Variants in SLC26A7 observed in about 807,000 individuals in gnomAD.
SLC26A7 encodes solute carrier family 26 member 7.
A neutral mutation model predicts 82.5 loss-of-function variants in SLC26A7; 59 were observed. That is an observed-to-expected ratio of 0.72 (90% confidence interval 0.58 to 0.89). SLC26A7 has a LOEUF of 0.89. Ranked by LOEUF, SLC26A7 falls within the 40% of genes least tolerant of loss-of-function variation. The probability of loss-of-function intolerance (pLI) is 0.00; values close to 1 mark genes in which losing one functional copy is unlikely to be tolerated. For missense variants in SLC26A7, 820 were observed against 793.0 expected (o/e 1.03, Z -0.41); for synonymous variants, 271 against 274.3 (o/e 0.99, Z 0.12).
chr8:91,253,834 A>G (rs1242972698), intron 2 of SLC26A7, among the ~76,000 whole-genome samples: 1 of 152,066 alleles, frequency 6.6e-6, no homozygotes, highest in Non-Finnish European at 1.5e-5. Context: ...GTCTTAATCT[A>G]TATATTCTTA....
At chr8:91,227,127 A>G (rs545123382) in intron 2 of SLC26A7, among the ~76,000 whole-genome samples, 1 of 152,334 alleles carries the variant, frequency 6.6e-6, no homozygotes, top group South Asian at 2.1e-4. Flanking sequence ...TATCTTGTCA[A>G]TCTGTAATCC....
At chr8:91,252,721 A>G (rs1046824941) in intron 2 of SLC26A7, among the ~76,000 whole-genome samples, 5 of 152,266 alleles carry the variant, frequency 3.3e-5, no homozygotes, top group African/African-American at 1.2e-4. Context: ...TTATCATTAA[A>G]ATGTGATGTA....
chr8:91,318,155 C>A, intron 4 of SLC26A7, 61 bp from the exon 5 acceptor site: 2 of 1,411,708 alleles, frequency 1.4e-6, no homozygotes, highest in South Asian at 1.3e-5. Context: ...AATATTAAGC[C>A]CTCTGGGAAC....
intron 5 of SLC26A7, among the ~76,000 whole-genome samples, chr8:91,322,942 A>G (rs1043819241): frequency 4.6e-5 from 7 of 152,198 alleles, no homozygotes; most frequent in Non-Finnish European, 1.5e-5. Context: ...GGAACCAAGA[A>G]TGTTAATAAA....
intron 4 of SLC26A7, among the ~76,000 whole-genome samples, chr8:91,317,685 T>C (rs1045092136): frequency 6.6e-6 from 1 of 152,170 alleles, no homozygotes; most frequent in Non-Finnish European, 1.5e-5. Context: ...TGAGGTTTTA[T>C]GCCTACTGGG....
At chr8:91,349,807 T>C (rs1247558736) in intron 9 of SLC26A7, among the ~76,000 whole-genome samples, 1 of 152,176 alleles carries the variant, frequency 6.6e-6, no homozygotes, top group Admixed American at 6.6e-5. Context: ...TTGTCTTTTG[T>C]CTTAAAATAA....
intron 2 of SLC26A7, among the ~76,000 whole-genome samples, chr8:91,272,016 C>T (rs981511334): frequency 6.6e-6 from 1 of 152,090 alleles, no homozygotes; most frequent in African/African-American, 2.4e-5. Context: ...CTACAAGAAG[C>T]TTTTGTGCTT....
rs1470973242 is a variant in SLC26A7 at position 91,351,858 on chromosome 8, A to G, written c.1189A>G (p.Ile397Val). The part of the protein sequence containing the change: ...CIFVLIVIYA[I>V]GPLLYWLPMC... ...TTTCGTCCTTATAGTCATCTATGCA[A>G]TAGGACCTTTGCTTTACTGGCTGCC... The change falls in exon 10 of 19, where the codon ATA becomes GTA. Residue 397 changes from isoleucine (I) to valine (V), a missense_variant. By Grantham distance (29) the Ile-to-Val change is conservative. Transcript: ENST00000276609. The G allele has an allele frequency of 6.2e-7, 1 of 1,612,588 alleles. No homozygotes were observed.
intron 13 of SLC26A7, among the ~76,000 whole-genome samples, chr8:91,365,175 ATTAAC>A (rs1814158157): frequency 6.6e-6 from 1 of 150,426 alleles, no homozygotes; most frequent in Non-Finnish European, 1.5e-5. Flanking sequence ...TTTTTTTCAT[ATTAAC>A]TTAAAACAAC....
At chr8:91,271,619 G>T (rs1811272022) in intron 2 of SLC26A7, among the ~76,000 whole-genome samples, 1 of 144,384 alleles carries the variant, frequency 6.9e-6, no homozygotes, top group Non-Finnish European at 1.5e-5. Context: ...TTTTGAGACG[G>T]AGTCTCGCTC....
intron 2 of SLC26A7, among the ~76,000 whole-genome samples, chr8:91,228,690 A>G (rs896538590): frequency 2.6e-5 from 4 of 152,186 alleles, no homozygotes; most frequent in Non-Finnish European, 5.9e-5. Context: ...TCACTCCCCT[A>G]GTAAAATTAG....
intron 4 of SLC26A7, among the ~76,000 whole-genome samples, chr8:91,308,032 CCAGGA>C (rs1812371126): frequency 1.3e-5 from 2 of 151,760 alleles, no homozygotes; most frequent in Admixed American, 6.6e-5. Flanking sequence ...TTTTTGTGTT[CCAGGA>C]TCCCATCCAG....
chr8:91,369,821 G>T lies in SLC26A7; in HGVS notation c.1663G>T (p.Gly555Cys), dbSNP rs1456468110. The change falls in exon 15 of 19, where the codon GGC becomes TGC. Residue 555 changes from glycine (G) to cysteine (C), a missense_variant. Gly to Cys is a radical substitution (Grantham distance 159). Coordinates refer to ENST00000276609, the MANE Select transcript of SLC26A7 (RefSeq NM_052832.4). ...CACATTGCTTAATTCCCTATCCAAT[G>T]GCAACTGCAATGGTGAGTTAGCTTT... The part of the protein sequence containing the change: ...QNTLLNSLSN[G>C]NCNEEASQSC... The T allele has an allele frequency of 2.0e-5, 32 of 1,601,934 alleles. No homozygotes were observed. The highest frequency in any genetic ancestry group is 2.7e-5 in the Non-Finnish European group (32 of 1,174,302).
intron 2 of SLC26A7, among the ~76,000 whole-genome samples, chr8:91,279,155 A>G (rs1376901603): frequency 0.039 from 5,408 of 139,188 alleles, 448 homozygotes; most frequent in African/African-American, 0.14. Flanking sequence ...ATATATATAT[A>G]TATATATATA....
intron 4 of SLC26A7, among the ~76,000 whole-genome samples, chr8:91,304,343 A>T (rs1812245420): frequency 6.6e-6 from 1 of 152,122 alleles, no homozygotes; most frequent in Non-Finnish European, 1.5e-5. Flanking sequence ...TGTTCCTGTG[A>T]TAGTGAGTTC....
intron 4 of SLC26A7, among the ~76,000 whole-genome samples, chr8:91,310,708 T>C (rs1468069807): frequency 6.6e-6 from 1 of 152,068 alleles, no homozygotes; most frequent in African/African-American, 2.4e-5. Flanking sequence ...TGAGCATGCA[T>C]ATGACTCCAG....
chr8:91,333,518 C>T (rs1036224197), intron 5 of SLC26A7, among the ~76,000 whole-genome samples: 3 of 152,098 alleles, frequency 2.0e-5, no homozygotes, highest in South Asian at 2.1e-4. Flanking sequence ...CAGGTTTCTT[C>T]ATTTACCCCC....
chr8:91,238,931 T>C (rs932576168), intron 2 of SLC26A7, among the ~76,000 whole-genome samples: 1 of 152,206 alleles, frequency 6.6e-6, no homozygotes, highest in African/African-American at 2.4e-5. Context: ...AACAATTCCT[T>C]CTCTATGGAC....
chr8:91,317,988 A>G (rs1812687817), intron 4 of SLC26A7, among the ~76,000 whole-genome samples: 1 of 146,936 alleles, frequency 6.8e-6, no homozygotes, highest in African/African-American at 2.5e-5. Flanking sequence ...CAAAAAAAAT[A>G]AAATAAAATT....
Sources: allele counts gnomAD v4.1 joint callset (sites outside exome capture counted in the v4.1 genomes callset), GRCh38; gene constraint gnomAD v4.1.1; transcripts MANE v1.5; gene names NCBI Gene and HGNC (gene_info 2026-07-23, HGNC 2026-07-21).